Variants in ADGRF5 observed in about 807,000 individuals in gnomAD.
ADGRF5 encodes the protein G-protein coupled receptor 116.
A neutral mutation model predicts 132.3 loss-of-function variants in ADGRF5; 75 were observed. That is an observed-to-expected ratio of 0.57 (90% CI 0.47 to 0.69). ADGRF5 has a LOEUF of 0.69. Ranked by LOEUF, ADGRF5 falls within the 30% of genes least tolerant of loss-of-function variation. The pLI, the probability that ADGRF5 is intolerant of heterozygous loss-of-function variation, is 0.00. For synonymous variants in ADGRF5, 629 were observed against 597.6 expected, an observed-to-expected ratio of 1.05 and a Z score of -0.77; for missense variants, 1,516 against 1,630.6, an observed-to-expected ratio of 0.93 and a Z score of 1.21.
chr6:46,869,306 C>CCTG, intron 11 of ADGRF5: 1 of 1,407,132 alleles, frequency 7.1e-7, no homozygotes, highest in South Asian at 1.5e-5. Flanking sequence ...CTGCACTGTA[C>CCTG]TCATTTCCAT....
intron 1 of ADGRF5, among the ~76,000 whole-genome samples, chr6:46,953,679 A>ATG (rs1364035224): frequency 7.3e-6 from 1 of 136,186 alleles, no homozygotes; most frequent in Non-Finnish European, 1.6e-5. Flanking sequence ...ATATATATAT[A>ATG]TATATATATA....
At chr6:46,935,356 C>T (rs938434095) in intron 1 of ADGRF5, among the ~76,000 whole-genome samples, 26 of 152,122 alleles carry the variant, frequency 1.7e-4, no homozygotes, top group East Asian at 1.9e-4. Context: ...AAATTCTCTA[C>T]GAACAATGCA....
rs572181852 is a variant in ADGRF5, at chr6:46,945,561, C to G, written c.-25+9173G>C. On this transcript the variant is annotated intron_variant, in intron 1 of 20. Coordinates refer to the ADGRF5 transcript ENST00000265417. ...TGCATGTGAACAATTACTGAGATTT[C>G]AAACACAAAAGGCACTGTAAAACAG... is the stretch of plus-strand genomic sequence containing the variant. Among the ~76,000 whole-genome samples the G allele has an allele frequency of 6.4e-4, 97 of 152,318 alleles. 1 individual carries two copies. Among genetic ancestry groups the G allele is most frequent in the African/African-American group, 2.0e-3 (84 of 41,570 alleles).
intron 1 of ADGRF5, among the ~76,000 whole-genome samples, chr6:46,933,680 G>A (rs991471383): frequency 9.9e-5 from 15 of 152,160 alleles, no homozygotes; most frequent in South Asian, 2.1e-4. Context: ...GTCTAGCATT[G>A]TACAGATTGT....
At chr6:46,878,932 G>A (rs1772131506) in intron 9 of ADGRF5, among the ~76,000 whole-genome samples, 1 of 152,138 alleles carries the variant, frequency 6.6e-6, no homozygotes, top group South Asian at 2.1e-4. Context: ...TGCTTCTGTA[G>A]TTGCTTGGAG....
chr6:46,894,751 T>C (rs1460658637), intron 3 of ADGRF5, among the ~76,000 whole-genome samples: 1 of 152,230 alleles, frequency 6.6e-6, no homozygotes, highest in Non-Finnish European at 1.5e-5. Flanking sequence ...AGGATTATTG[T>C]TAAAGAGCTG....
intron 2 of ADGRF5, 83 bp from the exon 3 acceptor site, chr6:46,900,166 G>T: frequency 3.0e-6 from 3 of 990,378 alleles, no homozygotes; most frequent in Non-Finnish European, 1.6e-6. Flanking sequence ...ACCCCTAAAT[G>T]TTGGAGCTGA....
chr6:46,861,742 A>T (rs1211750709), intron 15 of ADGRF5, among the ~76,000 whole-genome samples: 1 of 152,216 alleles, frequency 6.6e-6, no homozygotes, highest in African/African-American at 2.4e-5. Flanking sequence ...GTATCCAGTA[A>T]GTATATGCTG....
intron 1 of ADGRF5, among the ~76,000 whole-genome samples, chr6:46,932,121 T>C (rs1449327930): frequency 1.3e-5 from 2 of 152,202 alleles, no homozygotes; most frequent in African/African-American, 4.8e-5. Context: ...AGGCATATTT[T>C]TTACCATGCA....
At chr6:46,903,552 C>T (rs1459469882) in intron 2 of ADGRF5, 2 of 152,030 alleles carry the variant, frequency 1.3e-5, no homozygotes, top group Admixed American at 6.6e-5. Context: ...AAGAAAATTC[C>T]CAGGGAACAG....
intron 10 of ADGRF5, among the ~76,000 whole-genome samples, chr6:46,872,730 C>A (rs1771220259): frequency 1.3e-5 from 2 of 152,136 alleles, no homozygotes; most frequent in African/African-American, 2.4e-5. Context: ...TTCTACAACA[C>A]CCTGTGGCTG....
intron 1 of ADGRF5, among the ~76,000 whole-genome samples, chr6:46,941,930 A>C (rs924091067): frequency 6.6e-6 from 1 of 152,218 alleles, no homozygotes; most frequent in African/African-American, 2.4e-5. Context: ...ACAAATAAAA[A>C]GTGTATTTAT....
intron 1 of ADGRF5, among the ~76,000 whole-genome samples, chr6:46,941,662 T>TA (rs1420715278): frequency 1.3e-5 from 2 of 151,828 alleles, no homozygotes; most frequent in African/African-American, 2.4e-5. Flanking sequence ...TTTTTTTTTT[T>TA]ACCATTGTGG....
chr6:46,920,966 A>G (rs1439605936), intron 1 of ADGRF5, among the ~76,000 whole-genome samples: 2 of 152,194 alleles, frequency 1.3e-5, no homozygotes, highest in African/African-American at 4.8e-5. Context: ...ACATTGAAAA[A>G]CCAACTACGT....
chr6:46,890,647 G>A (rs1173869608), intron 3 of ADGRF5, among the ~76,000 whole-genome samples: 1 of 151,996 alleles, frequency 6.6e-6, no homozygotes, highest in Admixed American at 6.6e-5. Context: ...AACCCAGGAG[G>A]CAGAGGTTGC....
chr6:46,902,929 G>T (rs1287186797), intron 2 of ADGRF5, among the ~76,000 whole-genome samples: 7 of 152,168 alleles, frequency 4.6e-5, no homozygotes, highest in African/African-American at 1.7e-4. Context: ...TAGAGCAAAT[G>T]GTCACACCAA....
chr6:46,859,368 G>A lies in ADGRF5; in HGVS notation c.2535C>T (p.Ser845=), dbSNP rs1769457779. 6.2e-7 allele frequency: 1 copy of A among 1,613,782 alleles called. No individual in the cohort carries two copies. The highest frequency in any genetic ancestry group is 8.5e-7 in the Non-Finnish European group (1 of 1,179,742). The change falls in exon 17 of 21, where the codon TCC becomes TCT. Residue 845 remains serine, a synonymous_variant. Transcript: ENST00000283296. ...ALQSGDSPPL[S]FSQTNVQMSS... is the part of the protein sequence containing the mutation. ...TCATCTGCACATTAGTTTGGGAGAAGGACAAAGGAGGGCTATCTCCCGACT... is the reference window on the plus strand; with the variant it reads ...TCATCTGCACATTAGTTTGGGAGAAAGACAAAGGAGGGCTATCTCCCGACT...
chr6:46,910,308 G>A (rs1175368156), intron 1 of ADGRF5, among the ~76,000 whole-genome samples: 2 of 152,142 alleles, frequency 1.3e-5, no homozygotes, highest in African/African-American at 4.8e-5. Flanking sequence ...TATAATTGGT[G>A]GGTAATAATT....
At chr6:46,900,396 A>G (rs1774630695) in intron 2 of ADGRF5, among the ~76,000 whole-genome samples, 1 of 152,232 alleles carries the variant, frequency 6.6e-6, no homozygotes, top group African/African-American at 2.4e-5. Context: ...ATAAATTATT[A>G]TAATGTTCTA....
Sources: allele counts gnomAD v4.1 joint callset (sites outside exome capture counted in the v4.1 genomes callset), GRCh38; gene constraint gnomAD v4.1.1; transcripts MANE v1.5; gene names NCBI Gene and HGNC (gene_info 2026-07-23, HGNC 2026-07-21).